The following CRAMP1 variants were observed in gnomAD, a reference collection of about 807,000 sequenced individuals.
CRAMP1 encodes protein cramped-like.
In CRAMP1, 50 loss-of-function variants were observed where a neutral mutation model predicts 115.4. That is an observed-to-expected ratio of 0.43 (90% CI 0.35 to 0.55). The LOEUF (loss-of-function observed/expected upper bound fraction) is 0.55. CRAMP1 is among the 20% of genes least tolerant of loss of function. The pLI is 0.01. For missense variants in CRAMP1, 1,679 were observed against 1,721.7 expected, an observed-to-expected ratio of 0.98 and a Z score of 0.44; for synonymous variants, 866 against 745.4, an observed-to-expected ratio of 1.16 and a Z score of -2.64.
At chr16:1,618,453 G>A (rs2036439394) in intron 2 of CRAMP1, among the ~76,000 whole-genome samples, 1 of 152,162 alleles carries the variant, frequency 6.6e-6, no homozygotes, top group Non-Finnish European at 1.5e-5. Context: ...GTGAGTAGAA[G>A]TCCGGGAATG....
chr16:1,615,441 TG>T (rs1346782428), intron 2 of CRAMP1, among the ~76,000 whole-genome samples: 2 of 152,166 alleles, frequency 1.3e-5, no homozygotes, highest in Non-Finnish European at 2.9e-5. Context: ...AAAGGATCCT[TG>T]GGGTCTGACT....
chr16:1,663,894 GTACTATC>G (rs2036852766), intron 13 of CRAMP1, among the ~76,000 whole-genome samples: 1 of 152,166 alleles, frequency 6.6e-6, no homozygotes, highest in Non-Finnish European at 1.5e-5. Context: ...ATTCATTTCT[GTACTATC>G]TACTGTTTTC....
At position 1,669,031 on chromosome 16, in the gene CRAMP1, T is replaced by G; in HGVS notation, c.3365T>G (p.Leu1122Arg). Reference protein sequence around the residue: ...GEGVPLSPAKLNGSDSSKSLP... With the variant: ...GEGVPLSPAKRNGSDSSKSLP... ...GGAGTCCCTCTTTCTCCAGCAAAAC[T>G]GAATGGCAGTGACAGTTCCAAGAGC... The change falls in exon 19 of 21, where the codon CTG becomes CGG. Residue 1122 changes from leucine to arginine, a missense_variant. Transcript: ENST00000397412. The surrounding 1 kb of genome is among the most constrained non-coding windows in gnomAD (Gnocchi z 4.6). The G allele has an allele frequency of 6.2e-7, 1 of 1,613,318 alleles. No homozygotes were observed. Among genetic ancestry groups the G allele is most frequent in the Non-Finnish European group, 8.5e-7 (1 of 1,179,618 alleles).
rs1446408112 is a variant in CRAMP1 at position 1,668,123 on chromosome 16, G to C, written c.3264G>C (p.Leu1088=). ...TGCCCGGCCCACCTGAGGATGCGCT[G>C]TCACAGGGCGAGCCTGCCACACACA... ...ISLPGPPEDA[L]SQGEPATHIS... Residue 1088 remains leucine (L), a synonymous_variant, in exon 18 of 21, where the codon CTG becomes CTC. Coordinates refer to ENST00000397412, the MANE Select transcript of CRAMP1 (RefSeq NM_020825.4). 1 of 1,613,592 alleles carries C rather than the reference G, an allele frequency of 6.2e-7. No individual in the cohort carries two copies. Among genetic ancestry groups the C allele is most frequent in the East Asian group, 2.2e-5 (1 of 44,882 alleles).
rs780661612 is a variant in CRAMP1, at chr16:1,665,172, CCCT to C, written c.2752+42_2752+44del. 2.9e-6 allele frequency: 4 copies of C among 1,387,888 alleles called. No homozygotes were observed. The East Asian group carries it at 6.8e-5, about 24-fold the overall frequency. 86.0% of individuals were successfully genotyped at this position (1,387,888 alleles called of 1,614,324 possible). ...CCTGAGCTTTTCTGGGGTAGCTTGT[CCCT>C]CCTCCTCACAGGAGGGCCTTGGCTT... On this transcript the variant is annotated intron_variant, in intron 14 of 20. Coordinates refer to ENST00000397412, the MANE Select transcript of CRAMP1 (RefSeq NM_020825.4).
rs368231819 is a variant in CRAMP1 at position 1,666,427 on chromosome 16, A to G, written c.2863A>G (p.Ile955Val). The G allele has an allele frequency of 1.4e-5, 23 of 1,612,598 alleles. No homozygotes were observed. The highest frequency in any genetic ancestry group is 2.0e-5 in the Non-Finnish European group (23 of 1,179,260). ...AGCGTCCTTTTTGTTGCCAGGTGCT[A>G]TCGACTTAGCAGCTACAAGTGCCGG... ...PQATSHLASA[I>V]DLAATSAGIL... is the part of the protein sequence containing the mutation. The change falls in exon 16 of 21, where the codon ATC becomes GTC. Residue 955 changes from isoleucine to valine, a missense_variant. Transcript: ENST00000397412. This position sits in a 1 kb window ranked among gnomAD's most constrained non-coding sequence, Gnocchi z 5.0.
intron 6 of CRAMP1, among the ~76,000 whole-genome samples, chr16:1,641,631 G>A (rs941882732): frequency 7.9e-5 from 12 of 152,080 alleles, no homozygotes; most frequent in East Asian, 3.9e-4. Context: ...CCAACTGGCC[G>A]CTCTCCTCCC....
chr16:1,625,785 A>G (rs992586321), intron 2 of CRAMP1, 188 bp from the exon 3 acceptor site: 1 of 542,062 alleles, frequency 1.8e-6, no homozygotes, highest in African/African-American at 2.0e-5. Context: ...TTGGCCAGGT[A>G]AAGATCCTGG....
chr16:1,621,710 C>T (rs967936293), intron 2 of CRAMP1, among the ~76,000 whole-genome samples: 12 of 152,022 alleles, frequency 7.9e-5, no homozygotes, highest in South Asian at 2.1e-4. Flanking sequence ...AAGTTCCACA[C>T]GGTTCTTGCT....
intron 6 of CRAMP1, among the ~76,000 whole-genome samples, chr16:1,646,083 C>A (rs1355445312): frequency 6.6e-6 from 1 of 152,188 alleles, no homozygotes; most frequent in African/African-American, 2.4e-5. Flanking sequence ...GAGGCTCTTC[C>A]GTGTTGACTT....
In CRAMP1 at chr16:1,652,457, C is replaced by G. The variant is rs746013773; in HGVS notation, c.828-39C>G. The G allele has an allele frequency of 9.8e-6, 15 of 1,524,906 alleles. No individual in the cohort carries two copies. In the South Asian group the frequency reaches 1.8e-4, roughly 18 times the overall value. The allele number at this position is 1,524,906 out of a possible 1,614,324, so 94.5% of individuals were successfully genotyped here. A position where few individuals can be genotyped will look rare whatever the true frequency, so the allele number is the denominator to read the frequency against. ...GCTGGCCCTTCCGTCCTTCTGTTCA[C>G]TCACAGGCCTCAGCGTTCCTTCAAA... On this transcript the variant is annotated intron_variant, in intron 6 of 20. Transcript: ENST00000397412.
chr16:1,658,109 G>C (rs2076416), intron 10 of CRAMP1, among the ~76,000 whole-genome samples: 57,846 of 152,160 alleles, frequency 0.38, 16,352 homozygotes, highest in African/African-American at 0.79. Context: ...ACCCCCAGCC[G>C]GTGCAGGGCT....
chr16:1,645,777 A>C (rs1055484852), intron 6 of CRAMP1, among the ~76,000 whole-genome samples: 4 of 152,078 alleles, frequency 2.6e-5, no homozygotes, highest in Non-Finnish European at 5.9e-5. Context: ...CCTTTCCCGG[A>C]GTGTCGTCGT....
At chr16:1,619,055 T>C (rs746477252) in intron 2 of CRAMP1, among the ~76,000 whole-genome samples, 22 of 152,244 alleles carry the variant, frequency 1.4e-4, no homozygotes, top group Admixed American at 2.6e-4. Context: ...TTGTGGCTTA[T>C]GTAAGGATAT....
intron 6 of CRAMP1, among the ~76,000 whole-genome samples, chr16:1,651,930 CAGAG>C (rs368741931): frequency 7.3e-5 from 11 of 151,596 alleles, no homozygotes; most frequent in Admixed American, 2.0e-4. Context: ...ACTGAGGTCA[CAGAG>C]AGGTCACGTA....
chr16:1,626,514 T>G (rs2036509582), intron 3 of CRAMP1, among the ~76,000 whole-genome samples: 1 of 152,114 alleles, frequency 6.6e-6, no homozygotes, highest in Admixed American at 6.5e-5. Context: ...GTGGGCTGAT[T>G]TAGGCGGGAT....
At chr16:1,648,055 C>T (rs182751508) in intron 6 of CRAMP1, among the ~76,000 whole-genome samples, 4 of 151,482 alleles carry the variant, frequency 2.6e-5, no homozygotes, top group African/African-American at 4.8e-5. Flanking sequence ...GAGAAAAAGA[C>T]GGAGGACTGT....
In CRAMP1 at chr16:1,644,475, C is replaced by T. The variant is rs527356907; in HGVS notation, c.827+3288C>T. On this transcript the variant is annotated intron_variant, in intron 6 of 20. Coordinates refer to ENST00000397412, the MANE Select transcript of CRAMP1 (RefSeq NM_020825.4). ...ATGTCCATTGAACAGGTCACCTTAG[C>T]ATGTGGTGTAGACATGTACAGTAAC... 2.0e-5 allele frequency among the ~76,000 whole-genome samples: 3 copies of T among 152,236 alleles called. No individual in the cohort carries two copies. In the South Asian group the frequency reaches 6.2e-4, roughly 32 times the overall value.
At chr16:1,658,743 G>A (rs1466768642) in intron 10 of CRAMP1, among the ~76,000 whole-genome samples, 1 of 152,234 alleles carries the variant, frequency 6.6e-6, no homozygotes, top group African/African-American at 2.4e-5. Flanking sequence ...GGGTCATGAG[G>A]TGGGAGGGGT....
Sources: gnomAD v4.1 joint callset for allele counts (sites outside exome capture counted in the v4.1 genomes callset) on GRCh38, gnomAD v4.1.1 for gene constraint, Gnocchi (gnomAD v3.1) non-coding constraint, MANE v1.5 for transcripts, NCBI Gene and HGNC (gene_info 2026-07-23, HGNC 2026-07-21) for gene names.